The following PCLO variants were observed in gnomAD, a reference collection of about 807,000 sequenced individuals.
PCLO encodes the protein piccolo presynaptic cytomatrix protein, also known as protein piccolo.
Under a neutral mutation model 427.5 loss-of-function variants are expected in PCLO, and 82 were observed. That is an observed-to-expected ratio of 0.19 (90% CI 0.16 to 0.23). The LOEUF is 0.23. Among genes scored for constraint, PCLO ranks in the 10% least tolerant of loss-of-function variants. The pLI, the probability that PCLO is intolerant of heterozygous loss-of-function variation, is 1.00. For missense variants in PCLO, 6,239 were observed against 6,115.9 expected (o/e 1.02, Z -0.67); for synonymous variants, 2,357 against 2,155.4 (o/e 1.09, Z -2.59).
At chr7:82,967,065 C>T (rs1795792690) in intron 3 of PCLO, among the ~76,000 whole-genome samples, 1 of 152,038 alleles carries the variant, frequency 6.6e-6, no homozygotes, top group African/African-American at 2.4e-5. Flanking sequence ...AGATTATGAA[C>T]ATAATCTCAT....
chr7:82,863,800 T>C (rs966513555), intron 10 of PCLO, among the ~76,000 whole-genome samples: 2 of 151,848 alleles, frequency 1.3e-5, no homozygotes, highest in Non-Finnish European at 2.9e-5. Flanking sequence ...TTATAGAGGG[T>C]TTTCATATGT....
chr7:82,918,553 A>T (rs185316651), intron 6 of PCLO, among the ~76,000 whole-genome samples: 12 of 152,170 alleles, frequency 7.9e-5, no homozygotes, highest in Non-Finnish European at 1.5e-5. Flanking sequence ...AATTTTCTTG[A>T]TACTAAAAAT....
At chr7:83,127,430 A>G (rs1380106334) in intron 3 of PCLO, among the ~76,000 whole-genome samples, 1 of 152,150 alleles carries the variant, frequency 6.6e-6, no homozygotes, top group Non-Finnish European at 1.5e-5. Flanking sequence ...ATTAGAAGGT[A>G]TGTTTAAATA....
At chr7:82,812,081 G>T (rs1008648624) in intron 20 of PCLO, among the ~76,000 whole-genome samples, 1 of 151,330 alleles carries the variant, frequency 6.6e-6, no homozygotes, top group African/African-American at 2.4e-5. Flanking sequence ...AGAAGATGAA[G>T]ACGGGTTGCC....
chr7:83,034,561 G>A (rs1788750197), intron 3 of PCLO, among the ~76,000 whole-genome samples: 1 of 152,170 alleles, frequency 6.6e-6, no homozygotes, highest in African/African-American at 2.4e-5. Flanking sequence ...GATGCAGAAT[G>A]TTTTAGAAAA....
chr7:82,788,043 C>T (rs1351147486), intron 22 of PCLO, among the ~76,000 whole-genome samples: 1 of 151,734 alleles, frequency 6.6e-6, no homozygotes, highest in Non-Finnish European at 1.5e-5. Context: ...TAGAGCATGC[C>T]TCTGGTTAGC....
At chr7:82,796,247 A>G (rs1467342905) in intron 22 of PCLO, among the ~76,000 whole-genome samples, 23 of 152,184 alleles carry the variant, frequency 1.5e-4, no homozygotes, top group Admixed American at 1.5e-3. Context: ...TTAATTTTAA[A>G]TTCCCAGTGA....
rs115108328 is a variant in PCLO, at chr7:82,930,822, A to G, written c.11113-13949T>C. ...GCTCCTTTGGGATTCCACTAATGAT[A>G]TGTGATGGGTCTAGAAAGGTAGGAA... is the stretch of plus-strand genomic sequence containing the variant. On this transcript the variant is annotated intron_variant, in intron 6 of 24. Coordinates refer to ENST00000333891, the MANE Select transcript of PCLO (RefSeq NM_033026.6). Among the ~76,000 whole-genome samples the G allele has an allele frequency of 8.4e-3, 1,284 of 152,228 alleles. 25 individuals carry two copies. Among genetic ancestry groups the G allele is most frequent in the African/African-American group, 0.028 (1,158 of 41,564 alleles).
intron 3 of PCLO, among the ~76,000 whole-genome samples, chr7:83,097,616 C>A (rs891986594): frequency 7.8e-6 from 1 of 127,672 alleles, no homozygotes; most frequent in African/African-American, 2.9e-5. Context: ...TGTTTTTTCA[C>A]GTATCATGCT....
In PCLO at chr7:82,773,724, C is replaced by CTT. The variant is rs573681309; in HGVS notation, c.15008-12233_15008-12232dup. On this transcript the variant is annotated intron_variant, in intron 22 of 24. Coordinates refer to ENST00000333891, the MANE Select transcript of PCLO (RefSeq NM_033026.6). ...TTCTTCTTAATCCACTTGTGCTATT[C>CTT]TTTTTTTTTTTATTCTCTTCAGTTC... Among the ~76,000 whole-genome samples the CTT allele has an allele frequency of 4.6e-3, 680 of 147,408 alleles. 2 individuals carry two copies. The highest frequency in any genetic ancestry group is 0.016 in the African/African-American group (634 of 40,324).
intron 10 of PCLO, among the ~76,000 whole-genome samples, chr7:82,869,186 T>C (rs1793170683): frequency 6.6e-6 from 1 of 152,150 alleles, no homozygotes; most frequent in Non-Finnish European, 1.5e-5. Flanking sequence ...ATTTTATCTA[T>C]ATTTTCTACT....
Position 82,965,861 on chromosome 7 carries a change from T to A in PCLO, c.3927A>T (p.Glu1309Asp). ...PSGTPQSLPK[E>D]DDKTTKTIKE... is the part of the protein sequence containing the mutation. ...TTATTGTTTTGGTTGTCTTATCATC[T>A]TCTTTAGGTAAACTCTGAGGTGTGC... The change falls in exon 4 of 25, where the codon GAA (glutamate) becomes GAT (aspartate). Residue 1309 changes from glutamate to aspartate, a missense_variant. By Grantham distance (45) the Glu-to-Asp change is conservative. Around this residue, in one of 5 missense-constraint regions of PCLO, gnomAD observed 4,677 missense variants for 4,468.4 expected, o/e 1.05. Coordinates refer to ENST00000333891, the MANE Select transcript of PCLO (RefSeq NM_033026.6). 6.2e-7 allele frequency: 1 copy of A among 1,614,008 alleles called. No individual in the cohort carries two copies. The highest frequency in any genetic ancestry group is 8.5e-7 in the Non-Finnish European group (1 of 1,179,868).
intron 3 of PCLO, among the ~76,000 whole-genome samples, chr7:83,051,036 G>A (rs1251377676): frequency 6.6e-6 from 1 of 152,012 alleles, no homozygotes; most frequent in Non-Finnish European, 1.5e-5. Flanking sequence ...AAAACTCTCA[G>A]CAAATTAGGA....
chr7:83,001,665 C>T (rs1163119192), intron 3 of PCLO, among the ~76,000 whole-genome samples: 1 of 152,038 alleles, frequency 6.6e-6, no homozygotes, highest in Non-Finnish European at 1.5e-5. Flanking sequence ...TGAAGCTATA[C>T]TCAGCTGGTG....
At chr7:83,019,642 G>C (rs1462074787) in intron 3 of PCLO, among the ~76,000 whole-genome samples, 1 of 151,934 alleles carries the variant, frequency 6.6e-6, no homozygotes, top group African/African-American at 2.4e-5. Context: ...ATTATATGAA[G>C]ATACAAAGCT....
At chr7:83,092,801 G>A (rs1790411300) in intron 3 of PCLO, among the ~76,000 whole-genome samples, 1 of 151,884 alleles carries the variant, frequency 6.6e-6, no homozygotes, top group Non-Finnish European at 1.5e-5. Flanking sequence ...TACAAAGTTG[G>A]TCGGGTGTGG....
chr7:82,816,310 C>T (rs893781547), intron 20 of PCLO, among the ~76,000 whole-genome samples: 4 of 152,004 alleles, frequency 2.6e-5, no homozygotes, highest in Admixed American at 6.6e-5. Context: ...TTTGGCATTC[C>T]TCTACCACTC....
At chr7:83,072,627 C>T (rs1185630559) in intron 3 of PCLO, among the ~76,000 whole-genome samples, 1 of 151,988 alleles carries the variant, frequency 6.6e-6, no homozygotes, top group African/African-American at 2.4e-5. Flanking sequence ...TGGGAGTCAC[C>T]TTATTCAGCT....
chr7:82,921,806 T>G (rs1794601536), intron 6 of PCLO, among the ~76,000 whole-genome samples: 1 of 151,572 alleles, frequency 6.6e-6, no homozygotes, highest in East Asian at 1.9e-4. Flanking sequence ...ACAGAAAATC[T>G]ATAAAACTGG....
Sources: allele counts gnomAD v4.1 joint callset (sites outside exome capture counted in the v4.1 genomes callset), GRCh38; gene constraint gnomAD v4.1.1; regional missense constraint gnomAD v4.1.1; transcripts MANE v1.5; gene names NCBI Gene and HGNC (gene_info 2026-07-23, HGNC 2026-07-21).